ZNF782: variants seen among roughly 807,000 people sequenced by gnomAD.
ZNF782 encodes zinc finger protein 782.
ZNF782 carries 12 observed loss-of-function variants against 13.0 expected under a neutral mutation model. The observed-to-expected ratio is 0.92, with a 90% CI of 0.59 to 1.50. ZNF782 has a LOEUF of 1.50. ZNF782 is among the 40% of genes most tolerant of loss of function. The pLI is 0.00. For missense variants in ZNF782, 770 were observed against 822.9 expected, an observed-to-expected ratio of 0.94 and a Z score of 0.79; for synonymous variants, 284 against 283.0, an observed-to-expected ratio of 1.00 and a Z score of -0.04.
intron 3 of ZNF782, 87 bp from the exon 4 acceptor site, chr9:96,845,103 T>C: frequency 6.5e-7 from 1 of 1,532,546 alleles, no homozygotes; most frequent in South Asian, 1.2e-5. Context: ...ATGTTTACTG[T>C]TGAGAATTTA....
At chr9:96,851,891 T>C (rs945213302) in intron 3 of ZNF782, 56 bp downstream of exon 3, 6 of 1,551,306 alleles carry the variant, frequency 3.9e-6, no homozygotes, top group African/African-American at 1.4e-5. Flanking sequence ...CAAGGGCCTA[T>C]CTAAACCTCA....
chr9:96,836,306 G>A (rs778445540), intron 4 of ZNF782, among the ~76,000 whole-genome samples: 2 of 150,110 alleles, frequency 1.3e-5, no homozygotes, highest in African/African-American at 2.5e-5. Flanking sequence ...TCCACCTCCC[G>A]GATTCAAGCG....
exon 1 of ZNF782, chr9:96,875,552 C>T (rs1313401311): frequency 4.4e-6 from 2 of 456,754 alleles, no homozygotes; most frequent in Non-Finnish European, 8.8e-6. Flanking sequence ...CGAGTTCTGG[C>T]ACTTTGGTCA....
At chr9:96,830,674 G>T (rs1360133672) in intron 4 of ZNF782, among the ~76,000 whole-genome samples, 2 of 152,250 alleles carry the variant, frequency 1.3e-5, no homozygotes, top group Admixed American at 1.3e-4. Flanking sequence ...TTCCAAATAG[G>T]TTCAATCTAA....
At chr9:96,925,170 G>A in the ZNF782 span, among the ~76,000 whole-genome samples, 6 of 152,272 alleles carry the variant, frequency 3.9e-5, no homozygotes, top group South Asian at 1.2e-3. Context: ...GGCCGGCTGC[G>A]CGCTGGAACC....
chr9:96,847,408 G>A (rs1851371943), intron 3 of ZNF782, among the ~76,000 whole-genome samples: 1 of 152,032 alleles, frequency 6.6e-6, no homozygotes, highest in African/African-American at 2.4e-5. Flanking sequence ...AGCTAAAACT[G>A]ATAGACCTTC....
upstream of ZNF782, among the ~76,000 whole-genome samples, chr9:96,876,971 A>AAAAAAAAAAAAAAAAG (rs1851900809): frequency 7.8e-6 from 1 of 128,040 alleles, no homozygotes; most frequent in East Asian, 2.0e-4. Context: ...AAAAAAAAAA[A>AAAAAAAAAAAAAAAAG]AAGAAGAAGA....
At chr9:96,907,366 G>GT in the ZNF782 span, among the ~76,000 whole-genome samples, 7 of 152,006 alleles carry the variant, frequency 4.6e-5, no homozygotes, top group Non-Finnish European at 8.8e-5. Context: ...GGCAGTTGTT[G>GT]TTTAACGGAA....
chr9:96,923,359 T>C, the ZNF782 span, among the ~76,000 whole-genome samples: 3 of 150,112 alleles, frequency 2.0e-5, no homozygotes, highest in African/African-American at 7.3e-5. Flanking sequence ...TCCTCCATTT[T>C]CCAAGACACA....
the ZNF782 span, among the ~76,000 whole-genome samples, chr9:96,927,763 T>C: frequency 6.6e-6 from 1 of 151,230 alleles, no homozygotes; most frequent in East Asian, 2.0e-4. Flanking sequence ...CAATTCAAAT[T>C]CCACTTGGTA....
chr9:96,824,960 G>C (rs1195865592), intron 5 of ZNF782, among the ~76,000 whole-genome samples: 3 of 151,574 alleles, frequency 2.0e-5, no homozygotes, highest in Admixed American at 6.6e-5. Context: ...GAATCAATAT[G>C]GTGAAAATGG....
At chr9:96,905,777 G>A in the ZNF782 span, among the ~76,000 whole-genome samples, 1 of 152,228 alleles carries the variant, frequency 6.6e-6, no homozygotes, top group Non-Finnish European at 1.5e-5. Flanking sequence ...TGAGAGGCAG[G>A]GTTTCACCAT....
the ZNF782 span, chr9:96,888,487 C>G: frequency 1.3e-5 from 2 of 151,858 alleles, no homozygotes; most frequent in Middle Eastern, 3.4e-3. Context: ...GATAAAACTA[C>G]TAGACATAAT....
the ZNF782 span, among the ~76,000 whole-genome samples, chr9:96,901,802 C>G: frequency 1.3e-5 from 2 of 148,326 alleles, no homozygotes; most frequent in Non-Finnish European, 3.0e-5. Context: ...ATGGCTTGAA[C>G]CAGGGAGGTG....
chr9:96,859,454 A>C (rs867802248), upstream of ZNF782, among the ~76,000 whole-genome samples: 62 of 152,182 alleles, frequency 4.1e-4, no homozygotes, highest in African/African-American at 1.4e-3. Flanking sequence ...GGCACTGGTC[A>C]GAGTCATGAG....
At chr9:96,827,224 G>T in intron 4 of ZNF782, 43 bp from the exon 5 acceptor site, 1 of 1,403,916 alleles carries the variant, frequency 7.1e-7, no homozygotes, top group South Asian at 1.3e-5. Flanking sequence ...AGTTGCATAG[G>T]TTCTACTGTT....
At chr9:96,889,238 C>A in the ZNF782 span, 1 of 152,178 alleles carries the variant, frequency 6.6e-6, no homozygotes, top group African/African-American at 2.4e-5. Context: ...TCCTAAAATG[C>A]AGCTTTCAGG....
intron 4 of ZNF782, among the ~76,000 whole-genome samples, chr9:96,842,495 G>A (rs1030780267): frequency 3.3e-5 from 5 of 151,962 alleles, no homozygotes; most frequent in African/African-American, 1.2e-4. Flanking sequence ...GGTGTTGCAT[G>A]GAGCAAATGG....
the ZNF782 span, among the ~76,000 whole-genome samples, chr9:96,881,347 T>G: frequency 4.6e-5 from 7 of 152,118 alleles, no homozygotes; most frequent in Non-Finnish European, 1.5e-5. Flanking sequence ...TGGTAGAAAC[T>G]TACATTGTTA....
Sources: gnomAD v4.1 joint callset for allele counts (sites outside exome capture counted in the v4.1 genomes callset) on GRCh38, gnomAD v4.1.1 for gene constraint, MANE v1.5 for transcripts, NCBI Gene and HGNC (gene_info 2026-07-23, HGNC 2026-07-21) for gene names.